Variants in PCDHA10 observed in about 807,000 individuals in gnomAD.
PCDHA10 encodes protocadherin alpha 10, also known as protocadherin alpha-10.
Under a neutral mutation model 61.2 loss-of-function variants are expected in PCDHA10, and 45 were observed. The ratio of observed to expected loss-of-function variants is 0.74; its 90% CI spans 0.58 to 0.94. The LOEUF is 0.94. Ranked by LOEUF, PCDHA10 falls within the 40% of genes least tolerant of loss-of-function variation. PCDHA10 has a pLI of 0.00. For synonymous variants in PCDHA10, 602 were observed against 548.8 expected (o/e 1.10, Z -1.35); for missense variants, 1,278 against 1,236.2 (o/e 1.03, Z -0.51).
chr5:140,861,756 T>C (rs1158733756), intron 1 of PCDHA10: 1 of 108,868 alleles, frequency 9.2e-6, no homozygotes, highest in Non-Finnish European at 1.9e-5. Context: ...AATGATTATT[T>C]TTCCCTGGAA....
At chr5:140,958,339 G>A (rs1177083248) in intron 1 of PCDHA10, among the ~76,000 whole-genome samples, 2 of 152,024 alleles carry the variant, frequency 1.3e-5, no homozygotes, top group African/African-American at 4.8e-5. Context: ...TAAATCACAG[G>A]AAGTTCACAG....
intron 3 of PCDHA10, among the ~76,000 whole-genome samples, chr5:140,989,670 C>G (rs907417768): frequency 6.6e-6 from 1 of 152,104 alleles, no homozygotes. Flanking sequence ...GAAACTCTGC[C>G]CAGATTTCAA....
At chr5:140,905,395 G>T (rs1562949609) in intron 1 of PCDHA10, among the ~76,000 whole-genome samples, 1 of 152,166 alleles carries the variant, frequency 6.6e-6, no homozygotes. Context: ...AGGTCTGTGT[G>T]CCTATTTTTA....
intron 1 of PCDHA10, among the ~76,000 whole-genome samples, chr5:140,962,255 A>G (rs991096495): frequency 2.0e-5 from 3 of 152,204 alleles, no homozygotes; most frequent in African/African-American, 7.2e-5. Flanking sequence ...TCAATGAAAA[A>G]TAATTTTATA....
At chr5:140,906,063 A>T (rs572488248) in intron 1 of PCDHA10, among the ~76,000 whole-genome samples, 1 of 152,318 alleles carries the variant, frequency 6.6e-6, no homozygotes, top group South Asian at 2.1e-4. Flanking sequence ...CTGGCAGCTG[A>T]TTAGATCGCA....
chr5:140,957,169 A>T (rs868935808), intron 1 of PCDHA10, among the ~76,000 whole-genome samples: 16 of 152,164 alleles, frequency 1.1e-4, no homozygotes, highest in African/African-American at 3.9e-4. Flanking sequence ...CTAAGTATAT[A>T]AATTGGTTTA....
At position 140,929,227 on chromosome 5, in the gene PCDHA10, G is replaced by C. The variant is rs141300036; in HGVS notation, c.2389-49722G>C. ...GTTGCGTGGGGAGTACAATGCTGCC[G>C]ACCTGCGAAATCTTGCCACTGGGGT... On this transcript the variant is annotated intron_variant, in intron 1 of 3. Transcript: ENST00000307360. 7.4e-6 allele frequency: 12 copies of C among 1,613,892 alleles called. No homozygotes were observed. In the African/African-American group the frequency reaches 1.5e-4, roughly 20 times the overall value.
intron 1 of PCDHA10, chr5:140,870,136 A>G: frequency 6.2e-7 from 1 of 1,614,024 alleles, no homozygotes; most frequent in Non-Finnish European, 8.5e-7. Flanking sequence ...CACCAACGAT[A>G]ACTCTCCTGA....
At chr5:140,977,246 C>T (rs939682133) in intron 1 of PCDHA10, among the ~76,000 whole-genome samples, 1 of 152,172 alleles carries the variant, frequency 6.6e-6, no homozygotes, top group Non-Finnish European at 1.5e-5. Flanking sequence ...AAATTGGCAA[C>T]ATTTCTCAGC....
chr5:140,969,585 T>A (rs2096344806), intron 1 of PCDHA10: 1 of 896,450 alleles, frequency 1.1e-6, no homozygotes, highest in Admixed American at 3.0e-5. Flanking sequence ...TGAGGATTAG[T>A]CTTAATATTT....
chr5:140,887,497 A>G (rs981649331), intron 1 of PCDHA10, among the ~76,000 whole-genome samples: 1 of 152,150 alleles, frequency 6.6e-6, no homozygotes, highest in Admixed American at 6.5e-5. Context: ...ATAGTTTCTA[A>G]TAAGATGTTT....
intron 1 of PCDHA10, among the ~76,000 whole-genome samples, chr5:140,875,022 C>T (rs1267699693): frequency 6.6e-6 from 1 of 152,116 alleles, no homozygotes; most frequent in Non-Finnish European, 1.5e-5. Context: ...TAGGTTCTGG[C>T]CTACTGTATT....
chr5:140,958,159 A>T (rs782390357), intron 1 of PCDHA10, among the ~76,000 whole-genome samples: 35 of 152,134 alleles, frequency 2.3e-4, no homozygotes, highest in Non-Finnish European at 4.3e-4. Flanking sequence ...CATAGTCAAA[A>T]GCCTGGAGTG....
At chr5:140,998,533 T>C (rs1362807124) in intron 3 of PCDHA10, among the ~76,000 whole-genome samples, 1 of 152,020 alleles carries the variant, frequency 6.6e-6, no homozygotes, top group Non-Finnish European at 1.5e-5. Flanking sequence ...TTTATATCCC[T>C]AATTCCTAAT....
chr5:140,868,890 G>A (rs1013785921), intron 1 of PCDHA10: 2 of 748,714 alleles, frequency 2.7e-6, no homozygotes, highest in African/African-American at 1.8e-5. Flanking sequence ...AGTTTTAGGC[G>A]CAAGGTGTCG....
At chr5:140,951,542 A>AG (rs1554219955) in intron 1 of PCDHA10, among the ~76,000 whole-genome samples, 1 of 151,820 alleles carries the variant, frequency 6.6e-6, no homozygotes, top group African/African-American at 2.4e-5. Context: ...GGAGCAAGGG[A>AG]CGGGGGGAAG....
At chr5:141,000,899 C>T (rs1013993633) in intron 3 of PCDHA10, among the ~76,000 whole-genome samples, 18 of 151,966 alleles carry the variant, frequency 1.2e-4, no homozygotes, top group African/African-American at 2.7e-4. Flanking sequence ...CAGATATAGA[C>T]GCTGTCTCTA....
At chr5:140,995,924 G>T (rs998405229) in intron 3 of PCDHA10, among the ~76,000 whole-genome samples, 2 of 152,308 alleles carry the variant, frequency 1.3e-5, no homozygotes, top group African/African-American at 4.8e-5. Flanking sequence ...ATAGGCTGTT[G>T]TAAGTATTAA....
chr5:140,973,666 A>G (rs531003588), intron 1 of PCDHA10, among the ~76,000 whole-genome samples: 8 of 152,322 alleles, frequency 5.3e-5, no homozygotes, highest in African/African-American at 1.9e-4. Flanking sequence ...TATTTATTGT[A>G]GCTTGAATGT....
Sources: gnomAD v4.1 joint callset for allele counts (sites outside exome capture counted in the v4.1 genomes callset) on GRCh38, gnomAD v4.1.1 for gene constraint, MANE v1.5 for transcripts, NCBI Gene and HGNC (gene_info 2026-07-23, HGNC 2026-07-21) for gene names.